Variants in ZNF143 observed in about 807,000 individuals in gnomAD.
ZNF143 encodes the protein zinc finger protein 143.
ZNF143 carries 49 observed loss-of-function variants against 74.1 expected under a neutral mutation model. The ratio of observed to expected loss-of-function variants is 0.66; its 90% confidence interval spans 0.53 to 0.84. The LOEUF is 0.84. ZNF143 is among the 40% of genes least tolerant of loss of function. The pLI is 0.00. For missense variants in ZNF143, 637 were observed against 793.4 expected (o/e 0.80, Z 2.37); for synonymous variants, 304 against 282.8 (o/e 1.07, Z -0.75).
At chr11:9,503,244 G>A (rs927839094) in intron 11 of ZNF143, among the ~76,000 whole-genome samples, 6 of 72,284 alleles carry the variant, frequency 8.3e-5, no homozygotes, top group African/African-American at 1.8e-4. Flanking sequence ...TTATTCACCA[G>A]TTGTTTTCAC....
At chr11:9,507,171 T>G (rs1361177580) in intron 11 of ZNF143, among the ~76,000 whole-genome samples, 5 of 151,896 alleles carry the variant, frequency 3.3e-5, no homozygotes, top group East Asian at 1.9e-4. Context: ...TTTGGGGGGG[T>G]TTACTGTGTT....
chr11:9,471,813 A>G (rs1856590028), intron 2 of ZNF143, among the ~76,000 whole-genome samples: 1 of 151,918 alleles, frequency 6.6e-6, no homozygotes, highest in Non-Finnish European at 1.5e-5. Context: ...CGGCCTCCCA[A>G]AGTGCTGGGA....
At chr11:9,505,575 G>A (rs1399541754) in intron 11 of ZNF143, among the ~76,000 whole-genome samples, 1 of 151,856 alleles carries the variant, frequency 6.6e-6, no homozygotes, top group Non-Finnish European at 1.5e-5. Flanking sequence ...CTACGAATGA[G>A]TTCACTTACT....
chr11:9,486,906 G>A (rs2133989602), intron 7 of ZNF143, among the ~76,000 whole-genome samples: 1 of 149,080 alleles, frequency 6.7e-6, no homozygotes, highest in East Asian at 2.0e-4. Flanking sequence ...CTGACCTCGT[G>A]ATCCACCTGC....
chr11:9,520,806 AAG>A (rs1276841875), intron 14 of ZNF143, among the ~76,000 whole-genome samples: 1 of 152,182 alleles, frequency 6.6e-6, no homozygotes, highest in Non-Finnish European at 1.5e-5. Flanking sequence ...AAAAATAAAA[AAG>A]AATTCTGTTT....
intron 11 of ZNF143, among the ~76,000 whole-genome samples, chr11:9,503,435 G>C (rs531094523): frequency 6.6e-6 from 1 of 152,262 alleles, no homozygotes; most frequent in Admixed American, 6.5e-5. Flanking sequence ...CTTCCAAACT[G>C]TTCTCCCAAG....
At chr11:9,493,200 A>T (rs1382640045) in intron 7 of ZNF143, among the ~76,000 whole-genome samples, 1 of 151,446 alleles carries the variant, frequency 6.6e-6, no homozygotes, top group African/African-American at 2.4e-5. Context: ...CTCCCGAGTA[A>T]CTGAGACTAT....
intron 15 of ZNF143, 100 bp from the exon 16 acceptor site, chr11:9,527,430 A>G: frequency 9.3e-7 from 1 of 1,075,178 alleles, no homozygotes; most frequent in South Asian, 1.3e-5. Flanking sequence ...TGTCAGAATT[A>G]CAGAGAGAAG....
chr11:9,464,946 A>G (rs891832343), intron 1 of ZNF143, among the ~76,000 whole-genome samples: 1 of 152,110 alleles, frequency 6.6e-6, no homozygotes. Flanking sequence ...TAATAATGCT[A>G]AATGGCCTAT....
chr11:9,476,702 A>T (rs1351291578), intron 5 of ZNF143, among the ~76,000 whole-genome samples: 2 of 139,192 alleles, frequency 1.4e-5, no homozygotes, highest in African/African-American at 5.3e-5. Flanking sequence ...ATGACATAAC[A>T]CGTTTTAGAA....
At chr11:9,465,831 CT>C (rs1283568192) in intron 1 of ZNF143, among the ~76,000 whole-genome samples, 1 of 151,468 alleles carries the variant, frequency 6.6e-6, no homozygotes, top group Non-Finnish European at 1.5e-5. Context: ...TGTTTGTTTT[CT>C]TTTTTTGCTT....
At position 9,461,093 on chromosome 11, in the gene ZNF143, G is replaced by C. The variant is rs1855787186; in HGVS notation, c.-8+17G>C. The stretch of plus-strand genomic sequence containing the variant: ...TTCTCGGAGGTTCGTATATAAATGT[G>C]TTTTTACCCAGTGTGCATTATTCTC... On this transcript the variant is annotated intron_variant, in intron 1 of 15. Transcript: ENST00000396602. 1.0e-6 allele frequency: 1 copy of C among 985,584 alleles called. No individual in the cohort carries two copies. Among genetic ancestry groups the C allele is most frequent in the East Asian group, 1.1e-4 (1 of 8,798 alleles). 61.1% of individuals were successfully genotyped at this position (985,584 alleles called of 1,614,324 possible). A position where few individuals can be genotyped will look rare whatever the true frequency, so the allele number is the denominator to read the frequency against.
At chr11:9,467,845 C>CAA (rs971001404) in intron 1 of ZNF143, among the ~76,000 whole-genome samples, 378 of 79,600 alleles carry the variant, frequency 4.7e-3, no homozygotes, top group Non-Finnish European at 6.5e-3. Flanking sequence ...ACTCCATCTC[C>CAA]AAAAAAAAAA....
chr11:9,527,170 C>T (rs1849160105), intron 15 of ZNF143, among the ~76,000 whole-genome samples: 1 of 152,124 alleles, frequency 6.6e-6, no homozygotes, highest in Non-Finnish European at 1.5e-5. Flanking sequence ...GGGCGTTTTG[C>T]CATGTTGCTC....
chr11:9,476,746 CTTTTTTT>C (rs869069237), intron 5 of ZNF143, among the ~76,000 whole-genome samples: 19 of 34,832 alleles, frequency 5.5e-4, no homozygotes, highest in South Asian at 2.4e-3. Flanking sequence ...AGGGAGGAAT[CTTTTTTT>C]TTTTTTTTTT....
rs1188565018 is a variant in ZNF143, at chr11:9,516,135, C to T, written c.1525-66C>T. On this transcript the variant is annotated intron_variant, in intron 13 of 15. Transcript: ENST00000396602. Reference sequence around the variant, plus strand: ...AACTTATACAAGGATTAGTCCTGGTCCTTATGGAAGATTGTCAGCTATAAC... The same window carrying T: ...AACTTATACAAGGATTAGTCCTGGTTCTTATGGAAGATTGTCAGCTATAAC... 5.9e-6 allele frequency: 9 copies of T among 1,532,362 alleles called. No homozygotes were observed. In the East Asian group the frequency reaches 1.1e-4, roughly 19 times the overall value. The allele number at this position is 1,532,362 out of a possible 1,614,324, so 94.9% of individuals were successfully genotyped here. A position where few individuals can be genotyped will look rare whatever the true frequency, so the allele number is the denominator to read the frequency against.
At chr11:9,510,627 G>A (rs1232304770) in intron 12 of ZNF143, among the ~76,000 whole-genome samples, 3 of 152,162 alleles carry the variant, frequency 2.0e-5, no homozygotes, top group Non-Finnish European at 2.9e-5. Flanking sequence ...AGTAATGTCT[G>A]TCATGGAAAT....
rs61747610 is a variant in ZNF143, at chr11:9,471,414, G to A, written c.106G>A (p.Val36Met). 97 of 1,597,760 alleles carry A rather than the reference G, an allele frequency of 6.1e-5. No homozygotes were observed. Among genetic ancestry groups the A allele is most frequent in the African/African-American group, 6.1e-4 (45 of 74,148 alleles). The stretch of plus-strand genomic sequence containing the variant: ...GCTGTGCTTGACAGAGGCAGTCACC[G>A]TGGCAGGTGAGCAGTTGTGTTTGAA... ...VTLCLTEAVT[V>M]ADGDNLENME... The change falls in exon 2 of 16, where the codon GTG (valine) becomes ATG (methionine). Residue 36 changes from valine to methionine, a missense_variant. Physicochemically the swap from Val to Met is conservative, Grantham distance 21. Coordinates refer to ENST00000396602, the MANE Select transcript of ZNF143 (RefSeq NM_003442.6).
chr11:9,508,220 C>A (rs1048843477), intron 11 of ZNF143, among the ~76,000 whole-genome samples: 1 of 152,110 alleles, frequency 6.6e-6, no homozygotes, highest in Admixed American at 6.5e-5. Context: ...TTTTTATTAT[C>A]TTTATGAAAT....
Sources: gnomAD v4.1 joint callset for allele counts (sites outside exome capture counted in the v4.1 genomes callset) on GRCh38, gnomAD v4.1.1 for gene constraint, MANE v1.5 for transcripts, NCBI Gene and HGNC (gene_info 2026-07-23, HGNC 2026-07-21) for gene names.